The following MBOAT1 variants were observed in gnomAD, a reference collection of about 807,000 sequenced individuals.
The protein encoded by MBOAT1 is membrane bound glycerophospholipid O-acyltransferase 1.
Under a neutral mutation model 64.4 loss-of-function variants are expected in MBOAT1, and 67 were observed. The observed-to-expected ratio is 1.04, with a 90% CI of 0.85 to 1.27. The LOEUF is 1.27. Among genes scored for constraint, MBOAT1 ranks in the 50% most tolerant of loss-of-function variants. The pLI, the probability that MBOAT1 is intolerant of heterozygous loss-of-function variation, is 0.00. For missense variants in MBOAT1, 563 were observed against 604.6 expected (o/e 0.93, Z 0.72); for synonymous variants, 229 against 218.9 (o/e 1.05, Z -0.41).
In MBOAT1 at chr6:20,119,998, T is replaced by TGTGTGC. The variant is rs1554116203; in HGVS notation, c.908-1459_908-1458insGCACAC. ...ATGATAACTATCTTTTCTGTGTGTG[T>TGTGTGC]GTGTGTGCGTGTGTGTGTGTGTGTG... On this transcript the variant is annotated intron_variant, in intron 8 of 12. Coordinates refer to ENST00000324607, the MANE Select transcript of MBOAT1 (RefSeq NM_001080480.3). 2.1e-3 allele frequency among the ~76,000 whole-genome samples: 115 copies of TGTGTGC among 54,378 alleles called. 2 individuals carry two copies. The South Asian group carries it at 0.061, about 29-fold the overall frequency. 35.7% of individuals were successfully genotyped at this position (54,378 alleles called of 152,430 possible).
At position 20,115,315 on chromosome 6, in the gene MBOAT1, T is replaced by G; in HGVS notation, c.1049A>C (p.Asn350Thr). 1 of 1,614,042 alleles carries G rather than the reference T, an allele frequency of 6.2e-7. No homozygotes were observed. The highest frequency in any genetic ancestry group is 1.1e-5 in the South Asian group (1 of 91,082). ...TSFKMYLENW[N>T]IQTATWLKCV... Reference sequence around the variant, plus strand: ...CTTTAGCCAAGTAGCTGTCTGAATATTCCAGTTTTCCAAGTACATTTTGAA... The same window carrying G: ...CTTTAGCCAAGTAGCTGTCTGAATAGTCCAGTTTTCCAAGTACATTTTGAA... Residue 350 changes from asparagine (N) to threonine (T), a missense_variant, in exon 10 of 13, where the codon AAT becomes ACT. By Grantham distance (65) the Asn-to-Thr change is moderately conservative. Coordinates refer to ENST00000324607, the MANE Select transcript of MBOAT1 (RefSeq NM_001080480.3).
chr6:20,156,733 T>G (rs1761700818), intron 1 of MBOAT1, among the ~76,000 whole-genome samples: 1 of 152,230 alleles, frequency 6.6e-6, no homozygotes, highest in Admixed American at 6.5e-5. Flanking sequence ...TTTGGCTCTC[T>G]GCTTGTCTGT....
intron 1 of MBOAT1, among the ~76,000 whole-genome samples, chr6:20,184,313 C>T (rs1762588569): frequency 6.6e-6 from 1 of 152,072 alleles, no homozygotes; most frequent in African/African-American, 2.4e-5. Flanking sequence ...TTGGTAAAAC[C>T]CCTAGTCCCC....
intron 8 of MBOAT1, among the ~76,000 whole-genome samples, chr6:20,120,950 A>C (rs1760477096): frequency 6.6e-6 from 1 of 152,334 alleles, no homozygotes; most frequent in African/African-American, 2.4e-5. Context: ...GCATGGTTCC[A>C]ATCTATTATT....
Position 20,112,945 on chromosome 6 carries a change from C to T in MBOAT1, c.1140G>A (p.Trp380Ter). Residue 380 changes from tryptophan (W) to a stop codon, truncating the protein, a stop_gained, in exon 11 of 13, where the codon TGG (tryptophan) becomes TGA (stop). Coordinates refer to ENST00000324607, the MANE Select transcript of MBOAT1 (RefSeq NM_001080480.3). LOFTEE classifies it high-confidence loss of function. ...TVLTFILSAL[W>*]HGVYPGYYFT... ...AATAGTATCCAGGGTAGACACCATG[C>T]CACAAAGCAGACAGGATGAAGGTTA... 2.5e-6 allele frequency: 4 copies of T among 1,614,106 alleles called. No individual in the cohort carries two copies. Among genetic ancestry groups the T allele is most frequent in the Non-Finnish European group, 3.4e-6 (4 of 1,179,968 alleles).
At chr6:20,117,871 T>A (rs1215317302) in intron 9 of MBOAT1, among the ~76,000 whole-genome samples, 1 of 152,220 alleles carries the variant, frequency 6.6e-6, no homozygotes, top group Non-Finnish European at 1.5e-5. Context: ...TCCAGAATGA[T>A]GTGGCCCCAA....
chr6:20,186,836 T>TA (rs1762668968), intron 1 of MBOAT1, among the ~76,000 whole-genome samples: 2 of 152,198 alleles, frequency 1.3e-5, no homozygotes, highest in Non-Finnish European at 2.9e-5. Context: ...GATCAATTTC[T>TA]AGTTAATTTA....
intron 1 of MBOAT1, among the ~76,000 whole-genome samples, chr6:20,168,640 A>AGAGAAGAGAAGAGAAGAGAG (rs1254759093): frequency 3.7e-5 from 2 of 53,680 alleles, no homozygotes; most frequent in African/African-American, 1.2e-4. Context: ...AGAGAAGAGA[A>AGAGAAGAGAAGAGAAGAGAG]GAGAGGAGAG....
At chr6:20,154,041 C>A (rs999612321) in intron 1 of MBOAT1, among the ~76,000 whole-genome samples, 3 of 152,196 alleles carry the variant, frequency 2.0e-5, no homozygotes, top group African/African-American at 7.2e-5. Flanking sequence ...GATAGAGACA[C>A]AACTTCAGCA....
At chr6:20,118,303 G>A in intron 9 of MBOAT1, 134 bp downstream of exon 9, 1 of 686,720 alleles carries the variant, frequency 1.5e-6, no homozygotes. Context: ...TGTCCAGTAG[G>A]CTGCTGAGCC....
Position 20,179,205 on chromosome 6 carries a change from A to G in MBOAT1, c.100-26436T>C, listed in dbSNP as rs116927001. ...TGTGCTACTGAGAAAACTCACACAAAGTTAATGGCCCCAAAACCCTCAGCT... is the reference window on the plus strand; with the variant it reads ...TGTGCTACTGAGAAAACTCACACAAGGTTAATGGCCCCAAAACCCTCAGCT... On this transcript the variant is annotated intron_variant, in intron 1 of 12. Transcript: ENST00000324607. Among the ~76,000 whole-genome samples the G allele has an allele frequency of 8.4e-4, 128 of 152,164 alleles. No homozygotes were observed. The East Asian group carries it at 0.023, about 28-fold the overall frequency.
At chr6:20,177,792 CA>C (rs80095138) in intron 1 of MBOAT1, among the ~76,000 whole-genome samples, 1 of 57,184 alleles carries the variant, frequency 1.7e-5, no homozygotes, top group South Asian at 4.0e-4. Flanking sequence ...AAAAAAAAAA[CA>C]AAAAACTTGG....
At chr6:20,168,197 T>A (rs1762065096) in intron 1 of MBOAT1, among the ~76,000 whole-genome samples, 1 of 152,182 alleles carries the variant, frequency 6.6e-6, no homozygotes, top group Non-Finnish European at 1.5e-5. Context: ...ATTTTAAAAT[T>A]CTTAGACATA....
intron 1 of MBOAT1, among the ~76,000 whole-genome samples, chr6:20,195,591 G>A (rs376158819): frequency 1.4e-4 from 20 of 139,642 alleles, no homozygotes; most frequent in African/African-American, 4.9e-4. Context: ...TCAGCTGACA[G>A]GAAAATAAAT....
At chr6:20,123,862 C>A (rs550838696) in intron 8 of MBOAT1, among the ~76,000 whole-genome samples, 2 of 152,256 alleles carry the variant, frequency 1.3e-5, no homozygotes, top group Admixed American at 1.3e-4. Flanking sequence ...CGAGACCATC[C>A]TGGCTAACAC....
intron 1 of MBOAT1, among the ~76,000 whole-genome samples, chr6:20,178,049 A>G (rs1762400227): frequency 6.6e-6 from 1 of 152,190 alleles, no homozygotes; most frequent in African/African-American, 2.4e-5. Flanking sequence ...AAAGGTTCTC[A>G]GTGCTCTATT....
At chr6:20,208,340 G>A (rs1434178509) in intron 1 of MBOAT1, among the ~76,000 whole-genome samples, 1 of 150,308 alleles carries the variant, frequency 6.7e-6, no homozygotes, top group African/African-American at 2.4e-5. Context: ...CAGCTACTCT[G>A]GAGACTGAGG....
At chr6:20,120,272 G>A (rs903833633) in intron 8 of MBOAT1, among the ~76,000 whole-genome samples, 2 of 152,108 alleles carry the variant, frequency 1.3e-5, no homozygotes, top group Non-Finnish European at 2.9e-5. Flanking sequence ...AAGGGCTGTT[G>A]AAAGGATTAA....
rs1581401052 is a variant in MBOAT1, at chr6:20,118,538, C to T, written c.910G>A (p.Asp304Asn). The part of the protein sequence containing the change: ...PKYYFAWTLA[D>N]AVNNAAGFGF... ...AAGCCAGCTGCGTTATTCACTGCAT[C>T]AGCTATGGTTTTTAAAGTAACACAT... Residue 304 changes from aspartate to asparagine, a missense_variant and splice_region_variant, in exon 9 of 13, where the codon GAT becomes AAT. By Grantham distance (23) the Asp-to-Asn change is conservative. Transcript: ENST00000324607. 1.9e-6 allele frequency: 3 copies of T among 1,612,576 alleles called. No homozygotes were observed. Among genetic ancestry groups the T allele is most frequent in the East Asian group, 4.5e-5 (2 of 44,888 alleles).
Sources: allele counts gnomAD v4.1 joint callset (sites outside exome capture counted in the v4.1 genomes callset), GRCh38; gene constraint gnomAD v4.1.1; transcripts MANE v1.5; gene names NCBI Gene and HGNC (gene_info 2026-07-23, HGNC 2026-07-21).